Variants in IMPG1 observed in about 807,000 individuals in gnomAD.
IMPG1 encodes the protein interphotoreceptor matrix proteoglycan of 150 kDa.
A neutral mutation model predicts 92.0 loss-of-function variants in IMPG1; 85 were observed. That is an observed-to-expected ratio of 0.92 (90% CI 0.78 to 1.11). IMPG1 has a LOEUF of 1.11. Ranked by LOEUF, IMPG1 falls within the 50% of genes least tolerant of loss-of-function variation. The pLI, the probability that IMPG1 is intolerant of heterozygous loss-of-function variation, is 0.00. For missense variants in IMPG1, 1,022 were observed against 956.0 expected, an observed-to-expected ratio of 1.07 and a Z score of -0.91; for synonymous variants, 367 against 334.1, an observed-to-expected ratio of 1.10 and a Z score of -1.08.
intron 12 of IMPG1, among the ~76,000 whole-genome samples, chr6:75,968,259 T>A (rs1052123241): frequency 1.3e-5 from 2 of 152,232 alleles, no homozygotes; most frequent in Middle Eastern, 3.2e-3. Context: ...CATAATTACA[T>A]GAAATTAATA....
intron 6 of IMPG1, 143 bp from the exon 7 acceptor site, chr6:76,019,001 A>G (rs2149482492): frequency 2.8e-6 from 2 of 723,198 alleles, no homozygotes; most frequent in East Asian, 6.3e-5. Context: ...TTTAACTAGA[A>G]CTTAGAGAAG....
chr6:76,014,191 G>T (rs1003569358), intron 7 of IMPG1, among the ~76,000 whole-genome samples: 1 of 152,208 alleles, frequency 6.6e-6, no homozygotes, highest in African/African-American at 2.4e-5. Flanking sequence ...GGCAGTTAGT[G>T]ATTTGTATTA....
At chr6:76,026,010 G>GGAAGTTT (rs1783522744) in intron 4 of IMPG1, among the ~76,000 whole-genome samples, 1 of 152,164 alleles carries the variant, frequency 6.6e-6, no homozygotes, top group African/African-American at 2.4e-5. Context: ...TGGAGCCTTG[G>GGAAGTTT]GAAGTTTGTG....
rs1293322794 is a variant in IMPG1, at chr6:75,924,749, AATATATC to A, written c.2244-1050_2244-1044del. Among the ~76,000 whole-genome samples the A allele has an allele frequency of 4.3e-4, 14 of 32,332 alleles. 2 individuals are homozygous for A. Among genetic ancestry groups the A allele is most frequent in the African/African-American group, 1.6e-3 (14 of 8,830 alleles). The allele number at this position is 32,332 out of a possible 152,430, so 21.2% of individuals were successfully genotyped here. ...TAATTATATATAATATATAATATAT[AATATATC>A]ATATAATTATATATAATATATATAA... is the stretch of plus-strand genomic sequence containing the variant. On this transcript the variant is annotated intron_variant, in intron 15 of 16. Coordinates refer to ENST00000369950, the MANE Select transcript of IMPG1 (RefSeq NM_001563.4).
chr6:76,070,488 T>C (rs1226169270), intron 1 of IMPG1, among the ~76,000 whole-genome samples: 1 of 152,064 alleles, frequency 6.6e-6, no homozygotes, highest in Non-Finnish European at 1.5e-5. Context: ...GGAAAATAAA[T>C]CATTATATCA....
At chr6:76,055,823 A>G (rs1784111620) in intron 1 of IMPG1, among the ~76,000 whole-genome samples, 1 of 152,052 alleles carries the variant, frequency 6.6e-6, no homozygotes, top group Non-Finnish European at 1.5e-5. Context: ...GTTTGATATG[A>G]AATGCATAAA....
intron 1 of IMPG1, among the ~76,000 whole-genome samples, chr6:76,057,701 AC>A (rs1784143005): frequency 6.6e-6 from 1 of 152,002 alleles, no homozygotes; most frequent in African/African-American, 2.4e-5. Context: ...CTTAAGTGAA[AC>A]CCATAGGTGG....
intron 4 of IMPG1, among the ~76,000 whole-genome samples, chr6:76,030,378 C>T (rs1165161087): frequency 2.0e-5 from 3 of 152,112 alleles, no homozygotes; most frequent in Non-Finnish European, 4.4e-5. Flanking sequence ...ACCAGAGATG[C>T]TTGCTCCCCT....
intron 7 of IMPG1, among the ~76,000 whole-genome samples, chr6:76,016,184 T>G (rs1401441861): frequency 6.6e-6 from 1 of 152,210 alleles, no homozygotes; most frequent in Admixed American, 6.5e-5. Context: ...TTCTACAATT[T>G]CTAAGCAAGG....
chr6:75,944,480 A>C (rs780392152), intron 14 of IMPG1, among the ~76,000 whole-genome samples: 5 of 152,212 alleles, frequency 3.3e-5, no homozygotes, highest in Admixed American at 2.6e-4. Flanking sequence ...CTTTGATTGA[A>C]CCATCATCAT....
At chr6:75,991,855 T>A (rs968767171) in intron 12 of IMPG1, among the ~76,000 whole-genome samples, 1 of 152,220 alleles carries the variant, frequency 6.6e-6, no homozygotes, top group Non-Finnish European at 1.5e-5. Flanking sequence ...TTTGCATATA[T>A]GGTACTGACA....
At chr6:76,041,219 G>A (rs1365076656) in intron 2 of IMPG1, among the ~76,000 whole-genome samples, 3 of 152,170 alleles carry the variant, frequency 2.0e-5, no homozygotes, top group Non-Finnish European at 4.4e-5. Context: ...ACTGATGGCT[G>A]TGCTGTGATT....
chr6:76,065,768 A>G (rs968751677), intron 1 of IMPG1, among the ~76,000 whole-genome samples: 2 of 152,126 alleles, frequency 1.3e-5, no homozygotes, highest in African/African-American at 4.8e-5. Context: ...TCACAGAGAT[A>G]TATAGTCATC....
At chr6:75,946,099 G>A (rs1440267495) in intron 14 of IMPG1, among the ~76,000 whole-genome samples, 1 of 152,230 alleles carries the variant, frequency 6.6e-6, no homozygotes, top group Admixed American at 6.5e-5. Context: ...TTTCAGTTCT[G>A]AAGTAGTTTT....
rs200730480 is a variant in IMPG1, at chr6:75,931,053, C to A, written c.2143G>T (p.Gly715Ter). 3 of 1,614,058 alleles carry A rather than the reference C, an allele frequency of 1.9e-6. No homozygotes were observed. The highest frequency in any genetic ancestry group is 2.5e-6 in the Non-Finnish European group (3 of 1,180,048). ...TEEAECRCKP[G>*]YDSQGSLDGL... ...TCCAGGCTCCCCTGGCTGTCATATC[C>A]TGGTTTGCAGCGACACTCCGCTTCC... Residue 715 changes from glycine (G) to a stop codon, truncating the protein, a stop_gained, in exon 15 of 17, where the codon GGA (glycine) becomes TGA (stop). Transcript: ENST00000369950. LOFTEE classifies it high-confidence loss of function.
At chr6:75,924,213 C>T (rs1354174957) in intron 15 of IMPG1, among the ~76,000 whole-genome samples, 1 of 150,456 alleles carries the variant, frequency 6.6e-6, no homozygotes, top group Admixed American at 6.7e-5. Context: ...AATAGGACTA[C>T]CATATGATCG....
intron 12 of IMPG1, among the ~76,000 whole-genome samples, chr6:75,967,102 C>A (rs780497712): frequency 1.3e-5 from 2 of 152,014 alleles, no homozygotes; most frequent in Non-Finnish European, 2.9e-5. Flanking sequence ...TCACTTGAAC[C>A]GGAAGGTGGA....
chr6:76,038,521 TAGTCCCCC>T (rs1180946787), intron 2 of IMPG1, among the ~76,000 whole-genome samples: 1 of 152,182 alleles, frequency 6.6e-6, no homozygotes, highest in Non-Finnish European at 1.5e-5. Context: ...CCCACCAGGA[TAGTCCCCC>T]ATCCTTACTG....
intron 2 of IMPG1, among the ~76,000 whole-genome samples, chr6:76,035,975 A>C (rs1783736252): frequency 6.6e-6 from 1 of 152,256 alleles, no homozygotes; most frequent in African/African-American, 2.4e-5. Flanking sequence ...ATCATTAAAA[A>C]TAATGATGAC....
Sources: allele counts gnomAD v4.1 joint callset (sites outside exome capture counted in the v4.1 genomes callset), GRCh38; gene constraint gnomAD v4.1.1; transcripts MANE v1.5; gene names NCBI Gene and HGNC (gene_info 2026-07-23, HGNC 2026-07-21).